PLEKHA4: variants seen among roughly 807,000 people sequenced by gnomAD.
PLEKHA4 encodes pleckstrin homology domain containing A4, also known as pleckstrin homology domain-containing family A member 4.
A neutral mutation model predicts 94.7 loss-of-function variants in PLEKHA4; 73 were observed. The observed-to-expected ratio is 0.77, with a 90% CI of 0.64 to 0.94. The LOEUF is 0.94. Among genes scored for constraint, PLEKHA4 ranks in the 40% least tolerant of loss-of-function variants. The probability of loss-of-function intolerance (pLI) is 0.00; values close to 1 mark genes in which losing one functional copy is unlikely to be tolerated. For synonymous variants in PLEKHA4, 449 were observed against 437.1 expected, an observed-to-expected ratio of 1.03 and a Z score of -0.34; for missense variants, 1,049 against 1,054.1, an observed-to-expected ratio of 1.00 and a Z score of 0.07.
chr19:48,866,040 A>G (rs1200129847), intron 2 of PLEKHA4, among the ~76,000 whole-genome samples: 2 of 151,548 alleles, frequency 1.3e-5, no homozygotes, highest in Non-Finnish European at 2.9e-5. Flanking sequence ...AGAAAGAAAG[A>G]AAAGGGTCAA....
chr19:48,856,970 G>T (rs1180966552), intron 9 of PLEKHA4, among the ~76,000 whole-genome samples: 1 of 146,552 alleles, frequency 6.8e-6, no homozygotes, highest in African/African-American at 2.5e-5. Context: ...AAAGAAAGAG[G>T]TTTTTGCGGA....
At chr19:48,862,623 C>T (rs1309498654) in intron 3 of PLEKHA4, among the ~76,000 whole-genome samples, 1 of 152,166 alleles carries the variant, frequency 6.6e-6, no homozygotes, top group Non-Finnish European at 1.5e-5. Flanking sequence ...ATTCTCCTGC[C>T]CCAGCCTCCC....
In PLEKHA4 at chr19:48,841,315, G is replaced by A; in HGVS notation, c.1744-5C>T. 1.9e-6 allele frequency: 3 copies of A among 1,602,370 alleles called. No homozygotes were observed. Among genetic ancestry groups the A allele is most frequent in the South Asian group, 1.1e-5 (1 of 89,350 alleles). Reference sequence around the variant, plus strand: ...CCGGGGCCGGGCCACCGGGGCCTAGGGAGGCGAGAAACGTCCCAAGACCCA... The same window carrying A: ...CCGGGGCCGGGCCACCGGGGCCTAGAGAGGCGAGAAACGTCCCAAGACCCA... On this transcript the variant is annotated splice_polypyrimidine_tract_variant and splice_region_variant and intron_variant, in intron 16 of 19. Coordinates refer to ENST00000263265, the MANE Select transcript of PLEKHA4 (RefSeq NM_020904.3).
chr19:48,843,465 C>T (rs1430716290), intron 16 of PLEKHA4, among the ~76,000 whole-genome samples: 1 of 151,736 alleles, frequency 6.6e-6, no homozygotes, highest in Non-Finnish European at 1.5e-5. Context: ...AGGCGTTAGC[C>T]ACCGCACGCG....
Position 48,861,676 on chromosome 19 carries a change from C to G in PLEKHA4, c.209G>C (p.Arg70Pro), listed in dbSNP as rs540149131. Residue 70 changes from arginine to proline, a missense_variant, in exon 4 of 20, where the codon CGT becomes CCT. By Grantham distance (103) the Arg-to-Pro change is moderately radical. Transcript: ENST00000263265. ...GACGAACCAGCGGCGTTTCCAGAGACGGAGCCCCGAGCTGTCCTGGGGAGA... is the reference window on the plus strand; with the variant it reads ...GACGAACCAGCGGCGTTTCCAGAGAGGGAGCCCCGAGCTGTCCTGGGGAGA... Reference protein sequence around the residue: ...WLHKQDSSGLRLWKRRWFVLS... With the variant: ...WLHKQDSSGLPLWKRRWFVLS... The G allele has an allele frequency of 1.9e-6, 3 of 1,614,028 alleles. No individual in the cohort carries two copies. The highest frequency in any genetic ancestry group is 2.5e-6 in the Non-Finnish European group (3 of 1,179,948).
rs947499626 is a variant in PLEKHA4, at chr19:48,859,067, T to C, written c.765A>G (p.Arg255=). The C allele has an allele frequency of 2.1e-6, 2 of 944,072 alleles. No homozygotes were observed. The highest frequency in any genetic ancestry group is 6.5e-5 in the East Asian group (1 of 15,268). 58.5% of individuals were successfully genotyped at this position (944,072 alleles called of 1,614,324 possible). A position where few individuals can be genotyped will look rare whatever the true frequency, so the allele number is the denominator to read the frequency against. Residue 255 remains arginine (R), a synonymous_variant, in exon 8 of 20, where the codon CGA becomes CGG. Coordinates refer to ENST00000263265, the MANE Select transcript of PLEKHA4 (RefSeq NM_020904.3). ...CTGTGTCTCCTGAGGGGGCAGGGGG[T>C]CGCCGCGCAGGGGCAGAACGGGGAC... ...LPRPRSAPAR[R]PPAPSGDTAP...
At chr19:48,843,421 C>T (rs1247591837) in intron 16 of PLEKHA4, among the ~76,000 whole-genome samples, 5 of 151,982 alleles carry the variant, frequency 3.3e-5, no homozygotes, top group Admixed American at 6.6e-5. Context: ...CCTTGTGATC[C>T]GCCTACCTTG....
At chr19:48,843,457 G>A (rs998108092) in intron 16 of PLEKHA4, among the ~76,000 whole-genome samples, 2 of 151,910 alleles carry the variant, frequency 1.3e-5, no homozygotes, top group African/African-American at 4.8e-5. Context: ...GGGATTACAG[G>A]CGTTAGCCAC....
chr19:48,856,968 AGG>A (rs2036445838), intron 9 of PLEKHA4, among the ~76,000 whole-genome samples: 1 of 148,074 alleles, frequency 6.8e-6, no homozygotes, highest in African/African-American at 2.6e-5. Context: ...AGAAAGAAAG[AGG>A]TTTTTGCGGA....
intron 17 of PLEKHA4, among the ~76,000 whole-genome samples, chr19:48,839,814 A>C (rs1568532251): frequency 6.6e-6 from 1 of 151,710 alleles, no homozygotes; most frequent in Non-Finnish European, 1.5e-5. Flanking sequence ...TAAAAGTCTA[A>C]GGGGCCGGGT....
chr19:48,853,723 G>A lies in PLEKHA4; in HGVS notation c.1285C>T (p.Arg429Trp), dbSNP rs769937370. 1.7e-5 allele frequency: 27 copies of A among 1,607,658 alleles called. No homozygotes were observed. The highest frequency in any genetic ancestry group is 8.9e-5 in the East Asian group (4 of 44,736). The change falls in exon 12 of 20, where the codon CGG becomes TGG. Residue 429 changes from arginine to tryptophan, a missense_variant. Physicochemically the swap from Arg to Trp is moderately radical, Grantham distance 101. Transcript: ENST00000263265. ...AWGRQRLLQD[R>W]LVSVRATLCH... ...AGGGTGGCCCTCACACTGACCAGCCGGTCCTGCAAGAGGCGCTGGCGACCC... is the reference window on the plus strand; with the variant it reads ...AGGGTGGCCCTCACACTGACCAGCCAGTCCTGCAAGAGGCGCTGGCGACCC...
chr19:48,837,209 T>C lies in PLEKHA4; in HGVS notation c.*80A>G. On this transcript the variant is annotated 3_prime_UTR_variant, in exon 20 of 20. Transcript: ENST00000263265. The surrounding 1 kb of genome is among the most constrained non-coding windows in gnomAD (Gnocchi z 4.3). Reference sequence around the variant, plus strand: ...ATGGGGACCAGACCACGCCCCCTGATGCCCTGAGTGGTCCCAGATCTCCGG... The same window carrying C: ...ATGGGGACCAGACCACGCCCCCTGACGCCCTGAGTGGTCCCAGATCTCCGG... The C allele has an allele frequency of 6.2e-7, 1 of 1,600,896 alleles. No individual in the cohort carries two copies. Among genetic ancestry groups the C allele is most frequent in the South Asian group, 1.1e-5 (1 of 90,616 alleles).
At chr19:48,860,130 T>C in intron 6 of PLEKHA4, 2 of 588,118 alleles carry the variant, frequency 3.4e-6, no homozygotes, top group Non-Finnish European at 6.1e-6. Flanking sequence ...AAGGGTCAGC[T>C]TGGGGGCGGG....
At chr19:48,859,177 G>C (rs1319877360) in intron 7 of PLEKHA4, 38 bp from the exon 8 acceptor site, 2 of 1,457,212 alleles carry the variant, frequency 1.4e-6, no homozygotes, top group African/African-American at 2.8e-5. Context: ...GAGTCAACTA[G>C]AGCCCTCTCC....
At chr19:48,841,399 A>G (rs1299259926) in intron 16 of PLEKHA4, 89 bp from the exon 17 acceptor site, 1 of 1,372,388 alleles carries the variant, frequency 7.3e-7, no homozygotes, top group Non-Finnish European at 9.7e-7. Flanking sequence ...GGCTGAGTAG[A>G]GAGGATCACT....
rs749102085 is a variant in PLEKHA4 at position 48,858,885 on chromosome 19, T to C, written c.947A>G (p.His316Arg). The change falls in exon 8 of 20, where the codon CAC (histidine) becomes CGC (arginine). Residue 316 changes from histidine (H) to arginine (R), a missense_variant. Transcript: ENST00000263265. ...CTGTGTTCTGGGCTCCTGACTCCAG[T>C]GCTGGGGACTCCTGGGGGGCTTTCC... ...GGGKPPRSPQ[H>R]WSQEPRTQAH... 1 of 1,611,032 alleles carries C rather than the reference T, an allele frequency of 6.2e-7. No individual in the cohort carries two copies.
At position 48,837,376 on chromosome 19, in the gene PLEKHA4, C is replaced by T; in HGVS notation, c.2253G>A (p.Ala751=). ...RGGGPTPWGP[A]WDAGIAPPVL... The stretch of plus-strand genomic sequence containing the variant: ...CCGGAGGGGCGATCCCGGCATCCCA[C>T]GCGGGCCCCCAGGGGGTGGGACCTC... The change falls in exon 20 of 20, where the codon GCG becomes GCA. Residue 751 remains alanine, a synonymous_variant. Coordinates refer to ENST00000263265, the MANE Select transcript of PLEKHA4 (RefSeq NM_020904.3). This position sits in a 1 kb window ranked among gnomAD's most constrained non-coding sequence, Gnocchi z 4.3. 3.1e-6 allele frequency: 5 copies of T among 1,613,722 alleles called. No homozygotes were observed. The highest frequency in any genetic ancestry group is 4.2e-6 in the Non-Finnish European group (5 of 1,179,982).
In PLEKHA4 at chr19:48,845,356, G is replaced by T; in HGVS notation, c.1743+14C>A. The T allele has an allele frequency of 6.2e-7, 1 of 1,610,504 alleles. No individual in the cohort carries two copies. Among genetic ancestry groups the T allele is most frequent in the South Asian group, 1.1e-5 (1 of 90,938 alleles). On this transcript the variant is annotated intron_variant, in intron 16 of 19. Transcript: ENST00000263265. ...GGTCAGATGCAAGGATTACAGGATG[G>T]ACCTACAGCTTACCTTGGTTCCTAG...
intron 13 of PLEKHA4, among the ~76,000 whole-genome samples, chr19:48,849,416 C>T (rs1459250852): frequency 3.9e-5 from 6 of 152,146 alleles, no homozygotes; most frequent in Admixed American, 3.9e-4. Context: ...TCAAGCGATT[C>T]TCCTGCCTCA....
Sources: allele counts gnomAD v4.1 joint callset (sites outside exome capture counted in the v4.1 genomes callset), GRCh38; gene constraint gnomAD v4.1.1; non-coding constraint Gnocchi (gnomAD v3.1); transcripts MANE v1.5; gene names NCBI Gene and HGNC (gene_info 2026-07-23, HGNC 2026-07-21).